PSTPIP2: variants seen among roughly 807,000 people sequenced by gnomAD.
PSTPIP2 encodes the protein proline-serine-threonine phosphatase-interacting protein 2.
PSTPIP2 carries 33 observed loss-of-function variants against 63.3 expected under a neutral mutation model. The observed-to-expected ratio is 0.52, with a 90% confidence interval of 0.40 to 0.70. The LOEUF (loss-of-function observed/expected upper bound fraction) is 0.70. Among genes scored for constraint, PSTPIP2 ranks in the 30% least tolerant of loss-of-function variants. The pLI is 0.00. For missense variants in PSTPIP2, 312 were observed against 400.7 expected, an observed-to-expected ratio of 0.78 and a Z score of 1.89; for synonymous variants, 125 against 132.7, an observed-to-expected ratio of 0.94 and a Z score of 0.40.
chr18:46,026,300 A>G (rs961892609), intron 2 of PSTPIP2, among the ~76,000 whole-genome samples: 1 of 152,164 alleles, frequency 6.6e-6, no homozygotes, highest in African/African-American at 2.4e-5. Context: ...TTCTTTTTGA[A>G]TTTGCATTTC....
intron 5 of PSTPIP2, chr18:46,010,811 C>T (rs1407160782): frequency 5.3e-6 from 1 of 189,256 alleles, no homozygotes; most frequent in Non-Finnish European, 1.1e-5. Context: ...ACTACTTCTC[C>T]CTTCCCCTAT....
intron 10 of PSTPIP2, 95 bp from the exon 11 acceptor site, chr18:45,992,297 T>TTA: frequency 9.6e-7 from 1 of 1,039,666 alleles, no homozygotes; most frequent in Non-Finnish European, 1.4e-6. Flanking sequence ...GCGCAGTGGC[T>TTA]CATGTCTGTA....
At chr18:46,030,213 A>C (rs1174864214) in intron 2 of PSTPIP2, among the ~76,000 whole-genome samples, 1 of 152,234 alleles carries the variant, frequency 6.6e-6, no homozygotes, top group African/African-American at 2.4e-5. Context: ...GACTATTTGA[A>C]GTCCAGTTGA....
At chr18:46,029,404 C>G in intron 2 of PSTPIP2, 1 of 1,499,064 alleles carries the variant, frequency 6.7e-7, no homozygotes, top group Admixed American at 1.7e-5. Context: ...GTATATGCCT[C>G]TTCGGGGATG....
chr18:46,026,924 T>C, intron 2 of PSTPIP2, among the ~76,000 whole-genome samples: 1 of 152,142 alleles, frequency 6.6e-6, no homozygotes, highest in East Asian at 1.9e-4. Flanking sequence ...TTGATGATGA[T>C]TGTAACAGGG....
At chr18:46,011,324 A>G (rs779468774) in intron 4 of PSTPIP2, 37 bp from the exon 5 acceptor site, 26 of 1,426,648 alleles carry the variant, frequency 1.8e-5, no homozygotes, top group East Asian at 1.6e-4. Context: ...CAAGGTCTAC[A>G]TATGTCTGAA....
intron 1 of PSTPIP2, among the ~76,000 whole-genome samples, chr18:46,048,986 T>G (rs2144120060): frequency 6.6e-6 from 1 of 151,280 alleles, no homozygotes; most frequent in Non-Finnish European, 1.5e-5. Context: ...TTCTTTACTT[T>G]CAAATGGTTC....
Position 46,008,441 on chromosome 18 carries a change from A to G in PSTPIP2, c.354+2740T>C, listed in dbSNP as rs1023884652. 2.5e-5 allele frequency among the ~76,000 whole-genome samples: 3 copies of G among 121,316 alleles called. No homozygotes were observed. The Admixed American group carries it at 3.2e-4, about 13-fold the overall frequency. 79.6% of individuals were successfully genotyped at this position (121,316 alleles called of 152,430 possible). ...ATTCTCCTGCCTCAGCTTCCCGAGT[A>G]ACTGGGATTACAGGCATGAGTGACC... On this transcript the variant is annotated intron_variant, in intron 5 of 14. Coordinates refer to ENST00000409746, the MANE Select transcript of PSTPIP2 (RefSeq NM_024430.4).
intron 1 of PSTPIP2, among the ~76,000 whole-genome samples, chr18:46,045,995 T>C (rs975912985): frequency 2.0e-5 from 3 of 152,218 alleles, no homozygotes; most frequent in Non-Finnish European, 4.4e-5. Flanking sequence ...TGAAACAGTA[T>C]GTACCTTTCT....
At chr18:46,056,886 G>C (rs554588786) in intron 1 of PSTPIP2, among the ~76,000 whole-genome samples, 1 of 152,246 alleles carries the variant, frequency 6.6e-6, no homozygotes, top group Non-Finnish European at 1.5e-5. Context: ...CAGATCACTT[G>C]AGGTCAGGAG....
chr18:46,051,417 G>GAATCACT (rs1274847805), intron 1 of PSTPIP2, among the ~76,000 whole-genome samples: 8 of 152,088 alleles, frequency 5.3e-5, no homozygotes, highest in African/African-American at 1.9e-4. Flanking sequence ...GGAGGTTGCA[G>GAATCACT]TGAGCCAAGA....
At chr18:46,047,019 G>C (rs1198058016) in intron 1 of PSTPIP2, among the ~76,000 whole-genome samples, 1 of 152,222 alleles carries the variant, frequency 6.6e-6, no homozygotes, top group African/African-American at 2.4e-5. Context: ...AAGGCACTAG[G>C]AAGCTTTCCT....
intron 2 of PSTPIP2, among the ~76,000 whole-genome samples, chr18:46,026,087 G>A (rs375227489): frequency 7.2e-5 from 11 of 152,090 alleles, no homozygotes; most frequent in Non-Finnish European, 1.6e-4. Flanking sequence ...CTGAGAAAGT[G>A]GATTTACTAG....
intron 6 of PSTPIP2, among the ~76,000 whole-genome samples, chr18:46,003,476 T>C (rs1218253593): frequency 6.6e-6 from 1 of 152,224 alleles, no homozygotes; most frequent in East Asian, 1.9e-4. Context: ...GGTGTTTGGC[T>C]GCAGTAGAAT....
At chr18:45,992,582 C>A (rs1299085445) in intron 10 of PSTPIP2, among the ~76,000 whole-genome samples, 2 of 150,742 alleles carry the variant, frequency 1.3e-5, no homozygotes, top group African/African-American at 2.4e-5. Flanking sequence ...AACAAAAAAA[C>A]AAAAAAACAT....
intron 1 of PSTPIP2, among the ~76,000 whole-genome samples, chr18:46,066,722 AAC>A (rs765002813): frequency 2.0e-5 from 3 of 152,182 alleles, no homozygotes; most frequent in Non-Finnish European, 2.9e-5. Flanking sequence ...GTCACAGCAG[AAC>A]AGTTTCTTTA....
intron 2 of PSTPIP2, among the ~76,000 whole-genome samples, chr18:46,032,889 C>T (rs913412526): frequency 1.4e-4 from 22 of 152,122 alleles, no homozygotes; most frequent in African/African-American, 5.1e-4. Flanking sequence ...CAATCTAGTG[C>T]TCCAGGTTGC....
chr18:46,033,852 C>G (rs893462268), intron 2 of PSTPIP2, among the ~76,000 whole-genome samples: 2 of 152,136 alleles, frequency 1.3e-5, no homozygotes, highest in African/African-American at 4.8e-5. Flanking sequence ...GACACCTTCT[C>G]CAATAAAGTC....
At chr18:46,009,963 T>A (rs77229125) in intron 5 of PSTPIP2, among the ~76,000 whole-genome samples, 74 of 152,302 alleles carry the variant, frequency 4.9e-4, no homozygotes, top group African/African-American at 1.6e-3. Flanking sequence ...TGAGAGAGTA[T>A]GTCAAAGCAC....
Sources: gnomAD v4.1 joint callset for allele counts (sites outside exome capture counted in the v4.1 genomes callset) on GRCh38, gnomAD v4.1.1 for gene constraint, MANE v1.5 for transcripts, NCBI Gene and HGNC (gene_info 2026-07-23, HGNC 2026-07-21) for gene names.